PPP3CC: variants seen among roughly 807,000 people sequenced by gnomAD.
The protein encoded by PPP3CC is protein phosphatase 3 catalytic subunit gamma.
PPP3CC carries 35 observed loss-of-function variants against 60.3 expected under a neutral mutation model. The ratio of observed to expected loss-of-function variants is 0.58; its 90% CI spans 0.44 to 0.77. The LOEUF (loss-of-function observed/expected upper bound fraction) is 0.77, where lower values mean the gene tolerates loss of function less well. PPP3CC is among the 30% of genes least tolerant of loss of function. The probability of loss-of-function intolerance (pLI) is 0.00; values close to 1 mark genes in which losing one functional copy is unlikely to be tolerated. For synonymous variants in PPP3CC, 206 were observed against 224.3 expected, an observed-to-expected ratio of 0.92 and a Z score of 0.73; for missense variants, 570 against 628.9, an observed-to-expected ratio of 0.91 and a Z score of 1.00.
chr8:22,472,184 T>C (rs115344316), intron 1 of PPP3CC, among the ~76,000 whole-genome samples: 1,727 of 151,812 alleles, frequency 0.011, 30 homozygotes, highest in African/African-American at 0.037. Flanking sequence ...TGTTAAGTTT[T>C]TACTTTATAA....
chr8:22,529,728 G>T (rs1839652676), intron 10 of PPP3CC, among the ~76,000 whole-genome samples: 1 of 152,126 alleles, frequency 6.6e-6, no homozygotes, highest in South Asian at 2.1e-4. Context: ...AAAGTGGTCT[G>T]CCTGCCTCGG....
Position 22,475,114 on chromosome 8 carries a change from A to G in PPP3CC, c.210A>G (p.Gln70=), listed in dbSNP as rs763437404. The part of the protein sequence containing the change: ...IINDGAAILR[Q]EKTMIEVDAP... ...ATGATGGGGCTGCCATCCTGAGGCA[A>G]GAGAAGACTATGATAGAAGTAGATG... Residue 70 remains glutamine (Q), a synonymous_variant, in exon 2 of 14, where the codon CAA becomes CAG. Transcript: ENST00000240139. 7 of 1,613,230 alleles carry G rather than the reference A, an allele frequency of 4.3e-6. No homozygotes were observed. The highest frequency in any genetic ancestry group is 5.9e-6 in the Non-Finnish European group (7 of 1,179,420).
intron 5 of PPP3CC, 81 bp from the exon 6 acceptor site, chr8:22,513,212 G>C: frequency 7.1e-7 from 1 of 1,408,788 alleles, no homozygotes. Flanking sequence ...GGTGAAAGGG[G>C]TTTTTCTTTG....
intron 12 of PPP3CC, among the ~76,000 whole-genome samples, chr8:22,536,469 T>C (rs946326715): frequency 1.3e-5 from 2 of 152,260 alleles, no homozygotes; most frequent in Non-Finnish European, 1.5e-5. Flanking sequence ...AAATCAGGGC[T>C]GAGCAACAGA....
chr8:22,473,707 A>T (rs543662179), intron 1 of PPP3CC, among the ~76,000 whole-genome samples: 26 of 151,888 alleles, frequency 1.7e-4, no homozygotes, highest in Non-Finnish European at 2.9e-4. Flanking sequence ...CAGGTGATCC[A>T]CCTACCTTGG....
At chr8:22,445,001 A>T (rs532372403) in intron 1 of PPP3CC, among the ~76,000 whole-genome samples, 2 of 152,344 alleles carry the variant, frequency 1.3e-5, no homozygotes, top group African/African-American at 4.8e-5. Flanking sequence ...TGACAAATAT[A>T]GAGAATCCAT....
At position 22,462,216 on chromosome 8, in the gene PPP3CC, C is replaced by T. The variant is rs530438319; in HGVS notation, c.50-12738C>T. ...TATGATCATGCCACTGCACCCCAGC[C>T]TGGGTGACAGAGGGAGACCCTCTCT... is the stretch of plus-strand genomic sequence containing the variant. On this transcript the variant is annotated intron_variant, in intron 1 of 13. Transcript: ENST00000240139. 2.2e-4 allele frequency among the ~76,000 whole-genome samples: 33 copies of T among 152,156 alleles called. No homozygotes were observed. The South Asian group carries it at 6.9e-3, about 32-fold the overall frequency.
chr8:22,505,931 A>G (rs1200186758), intron 4 of PPP3CC, among the ~76,000 whole-genome samples: 2 of 151,256 alleles, frequency 1.3e-5, no homozygotes, highest in South Asian at 2.1e-4. Context: ...TTTTAGGTTC[A>G]GGGGTACATG....
chr8:22,464,852 A>G (rs547607093), intron 1 of PPP3CC, among the ~76,000 whole-genome samples: 1 of 152,306 alleles, frequency 6.6e-6, no homozygotes, highest in South Asian at 2.1e-4. Flanking sequence ...TACCCACTTT[A>G]CTGGAGAATG....
chr8:22,525,756 C>T (rs992306913), intron 8 of PPP3CC, among the ~76,000 whole-genome samples: 4 of 151,740 alleles, frequency 2.6e-5, no homozygotes, highest in South Asian at 2.1e-4. Context: ...GATAGGGTCT[C>T]GTTATGTTGC....
chr8:22,537,902 G>T (rs1307839042), intron 12 of PPP3CC, among the ~76,000 whole-genome samples: 2 of 152,174 alleles, frequency 1.3e-5, no homozygotes, highest in Non-Finnish European at 2.9e-5. Flanking sequence ...GAAGAGGTGA[G>T]GGAAGGAAAT....
chr8:22,481,357 T>A (rs999758541), intron 3 of PPP3CC, among the ~76,000 whole-genome samples: 4 of 147,064 alleles, frequency 2.7e-5, no homozygotes, highest in African/African-American at 1.0e-4. Context: ...ATAATAATAA[T>A]AATAATAATA....
intron 1 of PPP3CC, among the ~76,000 whole-genome samples, chr8:22,455,651 A>G (rs568584742): frequency 6.6e-6 from 1 of 152,260 alleles, no homozygotes; most frequent in East Asian, 1.9e-4. Context: ...TATAGAAGTT[A>G]TTGTTTCTGT....
chr8:22,532,288 G>T lies in PPP3CC; in HGVS notation c.1205G>T (p.Arg402Leu). ...ATCAGAGCCATTGGGAAGATGGCAC[G>T]GGTCTTTTCAATTCTTCGGTAAGGA... ...NKIRAIGKMA[R>L]VFSILRQESE... The change falls in exon 11 of 14, where the codon CGG becomes CTG. Residue 402 changes from arginine (R) to leucine (L), a missense_variant. Physicochemically the swap from Arg to Leu is moderately radical, Grantham distance 102. Coordinates refer to ENST00000240139, the MANE Select transcript of PPP3CC (RefSeq NM_005605.5). 3 of 1,612,554 alleles carry T rather than the reference G, an allele frequency of 1.9e-6. No homozygotes were observed. The highest frequency in any genetic ancestry group is 2.5e-6 in the Non-Finnish European group (3 of 1,178,618).
At chr8:22,514,419 T>A (rs1245391965) in intron 6 of PPP3CC, among the ~76,000 whole-genome samples, 1 of 152,050 alleles carries the variant, frequency 6.6e-6, no homozygotes, top group Non-Finnish European at 1.5e-5. Context: ...CACACACACA[T>A]GAAACTTTGA....
intron 3 of PPP3CC, among the ~76,000 whole-genome samples, chr8:22,477,720 C>A (rs1837936771): frequency 6.6e-6 from 1 of 151,958 alleles, no homozygotes; most frequent in Non-Finnish European, 1.5e-5. Flanking sequence ...CGTACCTCAG[C>A]CTCCAACTCC....
rs77173976 is a variant in PPP3CC at position 22,517,975 on chromosome 8, G to A, written c.771-4516G>A. ...TCAGATCTTTTTTGTTTTTTAAATC[G>A]GCATTTATTACTATAAACTTTCCTG... is the stretch of plus-strand genomic sequence containing the variant. On this transcript the variant is annotated intron_variant, in intron 6 of 13. Coordinates refer to ENST00000240139, the MANE Select transcript of PPP3CC (RefSeq NM_005605.5). Among the ~76,000 whole-genome samples, 465 of 151,170 alleles carry A rather than the reference G, an allele frequency of 3.1e-3. 3 individuals are homozygous for A. Among genetic ancestry groups the A allele is most frequent in the Non-Finnish European group, 4.9e-3 (333 of 67,880 alleles).
At position 22,540,906 on chromosome 8, in the gene PPP3CC, G is replaced by A. The variant is rs1258596585; in HGVS notation, c.*104G>A. The A allele has an allele frequency of 1.1e-5, 11 of 1,044,314 alleles. No individual in the cohort carries two copies. Among genetic ancestry groups the A allele is most frequent in the African/African-American group, 8.2e-5 (5 of 60,862 alleles). The allele number at this position is 1,044,314 out of a possible 1,614,324, so 64.7% of individuals were successfully genotyped here. A position where few individuals can be genotyped will look rare whatever the true frequency, so the allele number is the denominator to read the frequency against. ...CAACTCAAAACAACTTCAACGTGGA[G>A]GTGCATTTATAATTCAGTCTGCATT... On this transcript the variant is annotated 3_prime_UTR_variant, in exon 14 of 14. Transcript: ENST00000240139.
Position 22,532,953 on chromosome 8 carries a change from G to T in PPP3CC, c.1256G>T (p.Gly419Val), listed in dbSNP as rs767032990. 5.6e-6 allele frequency: 9 copies of T among 1,604,592 alleles called. No individual in the cohort carries two copies. Among genetic ancestry groups the T allele is most frequent in the Non-Finnish European group, 6.8e-6 (8 of 1,175,160 alleles). Residue 419 changes from glycine to valine, a missense_variant, in exon 12 of 14, where the codon GGC becomes GTC. Physicochemically the swap from Gly to Val is moderately radical, Grantham distance 109. Transcript: ENST00000240139. ...QESESVLTLK[G>V]LTPTGTLPLG... Reference sequence around the variant, plus strand: ...AGTGAGAGTGTGCTGACTCTCAAGGGCCTGACTCCCACAGGCACACTCCCT... The same window carrying T: ...AGTGAGAGTGTGCTGACTCTCAAGGTCCTGACTCCCACAGGCACACTCCCT...
Sources: allele counts gnomAD v4.1 joint callset (sites outside exome capture counted in the v4.1 genomes callset), GRCh38; gene constraint gnomAD v4.1.1; transcripts MANE v1.5; gene names NCBI Gene and HGNC (gene_info 2026-07-23, HGNC 2026-07-21).